ADAMTSL1: variants seen among roughly 807,000 people sequenced by gnomAD.
The protein encoded by ADAMTSL1 is ADAMTS like 1.
ADAMTSL1 carries 126 observed loss-of-function variants against 201.8 expected under a neutral mutation model. The observed-to-expected ratio is 0.62, with a 90% CI of 0.54 to 0.72. The LOEUF (loss-of-function observed/expected upper bound fraction) is 0.72. Among genes scored for constraint, ADAMTSL1 ranks in the 30% least tolerant of loss-of-function variants. ADAMTSL1 has a pLI of 0.00. For synonymous variants in ADAMTSL1, 1,121 were observed against 903.4 expected (o/e 1.24, Z -4.32); for missense variants, 2,679 against 2,277.8 (o/e 1.18, Z -3.59).
At chr9:17,999,837 G>C (rs951966709) in intron 1 of ADAMTSL1, among the ~76,000 whole-genome samples, 5 of 148,970 alleles carry the variant, frequency 3.4e-5, no homozygotes, top group African/African-American at 1.3e-4. Flanking sequence ...TCCCACCTAT[G>C]AGTGAGAATA....
At chr9:18,343,318 C>G (rs1835555210) in intron 2 of ADAMTSL1, among the ~76,000 whole-genome samples, 4 of 152,114 alleles carry the variant, frequency 2.6e-5, no homozygotes. Context: ...TCCTAAGTCT[C>G]TACTTCTGTG....
rs571561823 is a variant in ADAMTSL1, at chr9:18,549,248, C to T, written c.237+15956C>T. Reference sequence around the variant, plus strand: ...TACCAGAGAAAAGACAGAGTACCCACAAAAGAATGAAACTTAGACTAAAGG... The same window carrying T: ...TACCAGAGAAAAGACAGAGTACCCATAAAAGAATGAAACTTAGACTAAAGG... On this transcript the variant is annotated intron_variant, in intron 3 of 28. Coordinates refer to ENST00000380548, the MANE Select transcript of ADAMTSL1 (RefSeq NM_001040272.6). Among the ~76,000 whole-genome samples the T allele has an allele frequency of 2.7e-4, 41 of 152,052 alleles. No individual in the cohort carries two copies. In the South Asian group the frequency reaches 8.5e-3, roughly 32 times the overall value.
At chr9:18,731,698 G>C (rs1395434367) in intron 15 of ADAMTSL1, among the ~76,000 whole-genome samples, 1 of 152,138 alleles carries the variant, frequency 6.6e-6, no homozygotes, top group South Asian at 2.1e-4. Flanking sequence ...ATCTGCTTTT[G>C]GGGAGGCCTC....
chr9:18,397,770 G>A (rs1817813045), intron 2 of ADAMTSL1, among the ~76,000 whole-genome samples: 1 of 152,108 alleles, frequency 6.6e-6, no homozygotes. Context: ...TCAAAAGTTA[G>A]TGTTTGTCTA....
At chr9:18,395,541 C>A (rs1193791482) in intron 2 of ADAMTSL1, among the ~76,000 whole-genome samples, 1 of 152,120 alleles carries the variant, frequency 6.6e-6, no homozygotes, top group East Asian at 1.9e-4. Flanking sequence ...GAAACAGACC[C>A]ATTTTCTGAT....
chr9:18,691,075 C>T lies in ADAMTSL1; in HGVS notation c.1574+6275C>T, dbSNP rs570989810. On this transcript the variant is annotated intron_variant, in intron 13 of 28. Transcript: ENST00000380548. ...TGAGTACTGGTTGTCTATCCACAGACTGAAGAAATGAGCTAGCTGTCTTTA... is the reference window on the plus strand; with the variant it reads ...TGAGTACTGGTTGTCTATCCACAGATTGAAGAAATGAGCTAGCTGTCTTTA... Among the ~76,000 whole-genome samples the T allele has an allele frequency of 2.0e-5, 3 of 152,274 alleles. No individual in the cohort carries two copies. The South Asian group carries it at 6.2e-4, about 32-fold the overall frequency.
intron 5 of ADAMTSL1, among the ~76,000 whole-genome samples, chr9:18,632,073 GGCCC>G (rs1826816060): frequency 1.3e-5 from 2 of 152,148 alleles, no homozygotes; most frequent in Admixed American, 1.3e-4. Flanking sequence ...GAGAGGATGT[GGCCC>G]CTGCCTCGCC....
chr9:18,562,641 T>C (rs1269708461), intron 3 of ADAMTSL1, among the ~76,000 whole-genome samples: 3 of 152,228 alleles, frequency 2.0e-5, no homozygotes, highest in Non-Finnish European at 4.4e-5. Flanking sequence ...CCCTGTCACT[T>C]TCAGGTACAC....
chr9:18,685,029 T>C, intron 13 of ADAMTSL1: 1 of 1,212,306 alleles, frequency 8.2e-7, no homozygotes, highest in Non-Finnish European at 1.0e-6. Flanking sequence ...GAAGGTGTAG[T>C]GCTTACCCTC....
intron 2 of ADAMTSL1, among the ~76,000 whole-genome samples, chr9:18,386,234 A>G (rs1371788866): frequency 6.6e-6 from 1 of 152,198 alleles, no homozygotes; most frequent in Non-Finnish European, 1.5e-5. Context: ...GGTTCATGGA[A>G]AATGATCACT....
At chr9:18,343,932 C>T (rs916744578) in intron 2 of ADAMTSL1, among the ~76,000 whole-genome samples, 1 of 152,086 alleles carries the variant, frequency 6.6e-6, no homozygotes, top group African/African-American at 2.4e-5. Flanking sequence ...TATGATTCCG[C>T]CTATGCAAAT....
chr9:18,356,472 G>C (rs759098240), intron 2 of ADAMTSL1, among the ~76,000 whole-genome samples: 95 of 146,242 alleles, frequency 6.5e-4, no homozygotes, highest in Non-Finnish European at 1.3e-3. Context: ...AGGCTTCAGT[G>C]AGCTATGATT....
At chr9:18,022,353 C>T (rs1396052716) in intron 1 of ADAMTSL1, among the ~76,000 whole-genome samples, 1 of 152,118 alleles carries the variant, frequency 6.6e-6, no homozygotes, top group East Asian at 1.9e-4. Context: ...GTATTGTTCT[C>T]CCTTTCCCAA....
At chr9:18,122,732 C>G (rs1368167117) in intron 1 of ADAMTSL1, among the ~76,000 whole-genome samples, 1 of 152,092 alleles carries the variant, frequency 6.6e-6, no homozygotes, top group Non-Finnish European at 1.5e-5. Flanking sequence ...GGTGCTGGTA[C>G]TAATTCTGTC....
chr9:18,577,694 A>T (rs999432686), intron 4 of ADAMTSL1, among the ~76,000 whole-genome samples: 15 of 152,174 alleles, frequency 9.9e-5, no homozygotes, highest in Non-Finnish European at 2.2e-4. Context: ...AGACTCTGAA[A>T]ATTTTAAGTT....
chr9:18,457,664 T>C (rs1253896346), intron 2 of ADAMTSL1, among the ~76,000 whole-genome samples: 1 of 152,166 alleles, frequency 6.6e-6, no homozygotes, highest in East Asian at 1.9e-4. Flanking sequence ...TGTTTCCACT[T>C]CCAGAACTTC....
intron 2 of ADAMTSL1, among the ~76,000 whole-genome samples, chr9:18,350,648 G>C (rs1835925853): frequency 1.3e-5 from 2 of 152,062 alleles, no homozygotes; most frequent in Admixed American, 6.6e-5. Flanking sequence ...AGTTTCTTTT[G>C]GCGTTAATTA....
chr9:18,214,014 G>C (rs1456413276), intron 2 of ADAMTSL1, among the ~76,000 whole-genome samples: 1 of 152,264 alleles, frequency 6.6e-6, no homozygotes. Context: ...TGGGATTACA[G>C]GCATGAGCCA....
intron 3 of ADAMTSL1, among the ~76,000 whole-genome samples, chr9:18,553,823 G>A (rs928670983): frequency 1.3e-5 from 2 of 151,666 alleles, no homozygotes; most frequent in African/African-American, 4.8e-5. Context: ...TATCTTTTCT[G>A]CCTGACTTCT....
Sources: gnomAD v4.1 joint callset for allele counts (sites outside exome capture counted in the v4.1 genomes callset) on GRCh38, gnomAD v4.1.1 for gene constraint, MANE v1.5 for transcripts, NCBI Gene and HGNC (gene_info 2026-07-23, HGNC 2026-07-21) for gene names.